The following MERTK variants were observed in gnomAD, a reference collection of about 807,000 sequenced individuals.
MERTK encodes tyrosine-protein kinase Mer.
Under a neutral mutation model 99.3 loss-of-function variants are expected in MERTK, and 69 were observed. That is an observed-to-expected ratio of 0.70 (90% CI 0.57 to 0.85). The LOEUF (loss-of-function observed/expected upper bound fraction) is 0.85, where lower values mean the gene tolerates loss of function less well. MERTK is among the 40% of genes least tolerant of loss of function. The pLI is 0.00. For missense variants in MERTK, 1,125 were observed against 1,249.4 expected (o/e 0.90, Z 1.50); for synonymous variants, 426 against 467.6 (o/e 0.91, Z 1.15).
At chr2:111,926,787 C>G (rs983957231) in intron 1 of MERTK, among the ~76,000 whole-genome samples, 1 of 152,202 alleles carries the variant, frequency 6.6e-6, no homozygotes, top group African/African-American at 2.4e-5. Context: ...TGAGGGAGCT[C>G]TGCAGGTATG....
At chr2:111,959,766 A>T (rs1002923259) in intron 4 of MERTK, among the ~76,000 whole-genome samples, 2 of 152,104 alleles carry the variant, frequency 1.3e-5, no homozygotes, top group African/African-American at 4.8e-5. Flanking sequence ...TAGTGCTGGG[A>T]TTACAGGAGT....
At chr2:111,964,043 C>CTTTTTTTTTTTTTTTTTTTTTT (rs56693776) in intron 4 of MERTK, among the ~76,000 whole-genome samples, 15 of 103,858 alleles carry the variant, frequency 1.4e-4, no homozygotes, top group South Asian at 3.7e-4. Context: ...AATTTTCTTT[C>CTTTTTTTTTTTTTTTTTTTTTT]TTTTTTTTTT....
At chr2:111,991,283 T>C (rs574269877) in intron 8 of MERTK, among the ~76,000 whole-genome samples, 1 of 152,218 alleles carries the variant, frequency 6.6e-6, no homozygotes, top group Non-Finnish European at 1.5e-5. Context: ...TGGAGTGTGG[T>C]GGCGTGATCT....
In MERTK at chr2:112,028,376, A is replaced by G. The variant is rs1453194229; in HGVS notation, c.2512A>G (p.Arg838Gly). Reference protein sequence around the residue: ...ELYEIMYSCWRTDPLDRPTFS... With the variant: ...ELYEIMYSCWGTDPLDRPTFS... The stretch of plus-strand genomic sequence containing the variant: ...GTATGAAATAATGTACTCTTGCTGG[A>G]GAACCGATCCCTTAGACCGCCCCAC... The change falls in exon 19 of 19, where the codon AGA (arginine) becomes GGA (glycine). Residue 838 changes from arginine (R) to glycine (G), a missense_variant. Coordinates refer to ENST00000295408, the MANE Select transcript of MERTK (RefSeq NM_006343.3). 6.2e-7 allele frequency: 1 copy of G among 1,614,118 alleles called. No individual in the cohort carries two copies. The highest frequency in any genetic ancestry group is 1.3e-5 in the African/African-American group (1 of 74,942).
At chr2:111,944,166 G>A (rs1349899462) in intron 2 of MERTK, among the ~76,000 whole-genome samples, 2 of 152,096 alleles carry the variant, frequency 1.3e-5, no homozygotes, top group East Asian at 1.9e-4. Context: ...CGGGCATGGT[G>A]GCGCATGCCT....
intron 1 of MERTK, among the ~76,000 whole-genome samples, chr2:111,901,183 G>A (rs1356539045): frequency 6.6e-6 from 1 of 152,096 alleles, no homozygotes; most frequent in South Asian, 2.1e-4. Flanking sequence ...TGAGGCAAGC[G>A]GTGGCTCTCT....
Position 112,029,400 on chromosome 2 carries a change from C to CAATTCA in MERTK, c.*537_*538insATTCAA. ...TTGAACTTACTTGAGACTTGAAAGA[C>CAATTCA]AGTGGTCGGCAGCGGCCTTGTGGCC... On this transcript the variant is annotated 3_prime_UTR_variant, in exon 19 of 19. Transcript: ENST00000295408. 2 of 903,398 alleles carry CAATTCA rather than the reference C, an allele frequency of 2.2e-6. No individual in the cohort carries two copies. The highest frequency in any genetic ancestry group is 2.6e-6 in the Non-Finnish European group (2 of 755,086). The allele number at this position is 903,398 out of a possible 1,614,324, so 56.0% of individuals were successfully genotyped here.
chr2:111,955,925 A>G (rs1239977461), intron 4 of MERTK, among the ~76,000 whole-genome samples: 2 of 145,850 alleles, frequency 1.4e-5, no homozygotes, highest in Non-Finnish European at 3.0e-5. Context: ...CAATGAGAAC[A>G]CTTGGACACA....
At chr2:111,971,256 T>C (rs1025853991) in intron 6 of MERTK, among the ~76,000 whole-genome samples, 3 of 152,246 alleles carry the variant, frequency 2.0e-5, no homozygotes, top group Non-Finnish European at 4.4e-5. Context: ...TTTATCTTTT[T>C]GAATAACCAA....
Position 112,028,860 on chromosome 2 carries a change from T to C in MERTK, c.2996T>C (p.Met999Thr). Residue 999 changes from methionine to threonine, a missense_variant, in exon 19 of 19, where the codon ATG becomes ACG. Physicochemically the swap from Met to Thr is moderately conservative, Grantham distance 81 (BLOSUM62 -1). Transcript: ENST00000295408. ...TCCTCAGAAGGCTCAGAAGTCCTGATGTGAGGAGAGGTGCGGGGAGACATT... is the reference window on the plus strand; with the variant it reads ...TCCTCAGAAGGCTCAGAAGTCCTGACGTGAGGAGAGGTGCGGGGAGACATT... ...DDSSEGSEVL[M>T] The C allele has an allele frequency of 6.2e-7, 1 of 1,613,858 alleles. No homozygotes were observed. Among genetic ancestry groups the C allele is most frequent in the South Asian group, 1.1e-5 (1 of 91,082 alleles).
rs138557708 is a variant in MERTK at position 111,929,260 on chromosome 2, A to G, written c.202A>G (p.Thr68Ala). 1.8e-5 allele frequency: 29 copies of G among 1,613,990 alleles called. No individual in the cohort carries two copies. The highest frequency in any genetic ancestry group is 1.2e-4 in the African/African-American group (9 of 74,886). Residue 68 changes from threonine (T) to alanine (A), a missense_variant, in exon 2 of 19, where the codon ACC (threonine) becomes GCC (alanine). Transcript: ENST00000295408. The stretch of plus-strand genomic sequence containing the variant: ...CCAGCCTGCCTTGATGTTTTCACCA[A>G]CCCAGCCTGGAAGACCACATACAGG... The part of the protein sequence containing the change: ...GYQPALMFSP[T>A]QPGRPHTGNV...
At chr2:111,969,905 A>C (rs1055148957) in intron 6 of MERTK, among the ~76,000 whole-genome samples, 1 of 151,632 alleles carries the variant, frequency 6.6e-6, no homozygotes, top group African/African-American at 2.4e-5. Flanking sequence ...GTTAGCCAGG[A>C]TGGTCTCCAT....
chr2:111,900,609 G>A (rs1038699339), intron 1 of MERTK, among the ~76,000 whole-genome samples: 1 of 152,178 alleles, frequency 6.6e-6, no homozygotes, highest in East Asian at 1.9e-4. Context: ...ACAAATTTTT[G>A]TAGCTGACAA....
chr2:111,918,947 T>C (rs557002471), intron 1 of MERTK, among the ~76,000 whole-genome samples: 1 of 152,250 alleles, frequency 6.6e-6, no homozygotes, highest in Non-Finnish European at 1.5e-5. Context: ...TTCTGGGTCT[T>C]GTGAAAGCCA....
intron 4 of MERTK, among the ~76,000 whole-genome samples, chr2:111,955,344 C>T (rs1472364089): frequency 1.3e-5 from 2 of 152,206 alleles, no homozygotes; most frequent in African/African-American, 2.4e-5. Flanking sequence ...TCAAAGGTTA[C>T]GTGCTGTACA....
At chr2:111,958,231 T>C (rs1685184989) in intron 4 of MERTK, among the ~76,000 whole-genome samples, 1 of 152,100 alleles carries the variant, frequency 6.6e-6, no homozygotes, top group Non-Finnish European at 1.5e-5. Flanking sequence ...ATGCTTTTTC[T>C]CCCTGGAAAG....
intron 18 of MERTK, among the ~76,000 whole-genome samples, chr2:112,026,844 A>G (rs1220880628): frequency 1.3e-5 from 2 of 152,234 alleles, no homozygotes; most frequent in Admixed American, 6.5e-5. Flanking sequence ...CAAAAGTTCT[A>G]TAGGCTGTAA....
rs1395787128 is a variant in MERTK at position 111,925,361 on chromosome 2, G to C, written c.62-3759G>C. ...TTGTTGCCCAGGCTGGAGTGCAATG[G>C]TGAGATCTTGGCTTACTGCAACCTC... On this transcript the variant is annotated intron_variant, in intron 1 of 18. Coordinates refer to ENST00000295408, the MANE Select transcript of MERTK (RefSeq NM_006343.3). 9.1e-4 allele frequency among the ~76,000 whole-genome samples: 112 copies of C among 123,296 alleles called. 1 individual carries two copies. Among genetic ancestry groups the C allele is most frequent in the African/African-American group, 3.1e-3 (102 of 32,876 alleles). The allele number at this position is 123,296 out of a possible 152,430, so 80.9% of individuals were successfully genotyped here.
chr2:112,020,605 A>G (rs780310169), intron 16 of MERTK: 8 of 471,042 alleles, frequency 1.7e-5, no homozygotes, highest in South Asian at 1.1e-4. Flanking sequence ...TTCCTCAAGC[A>G]CCCACCTGGC....
Sources: allele counts gnomAD v4.1 joint callset (sites outside exome capture counted in the v4.1 genomes callset), GRCh38; gene constraint gnomAD v4.1.1; transcripts MANE v1.5; gene names NCBI Gene and HGNC (gene_info 2026-07-23, HGNC 2026-07-21).